The following CCDC149 variants were observed in gnomAD, a reference collection of about 807,000 sequenced individuals.
CCDC149 encodes coiled-coil domain containing 149.
In CCDC149, 45 loss-of-function variants were observed where a neutral mutation model predicts 59.9. The ratio of observed to expected loss-of-function variants is 0.75; its 90% CI spans 0.59 to 0.96. The LOEUF (loss-of-function observed/expected upper bound fraction) is 0.96, where lower values mean the gene tolerates loss of function less well. Among genes scored for constraint, CCDC149 ranks in the 40% least tolerant of loss-of-function variants. The pLI is 0.00. For missense variants in CCDC149, 584 were observed against 664.7 expected, an observed-to-expected ratio of 0.88 and a Z score of 1.33; for synonymous variants, 245 against 260.6, an observed-to-expected ratio of 0.94 and a Z score of 0.58.
At chr4:24,895,172 A>C in intron 1 of CCDC149, 1 of 721,982 alleles carries the variant, frequency 1.4e-6, no homozygotes, top group Non-Finnish European at 2.4e-6. Context: ...AGTCAGAATA[A>C]TGGTTACCTC....
chr4:24,847,534 T>C (rs1399857173), intron 4 of CCDC149, among the ~76,000 whole-genome samples: 2 of 152,206 alleles, frequency 1.3e-5, no homozygotes, highest in African/African-American at 2.4e-5. Flanking sequence ...CTCAGCTGCT[T>C]TGATGTGTCC....
upstream of CCDC149, among the ~76,000 whole-genome samples, chr4:24,916,331 A>G (rs566980933): frequency 5.9e-5 from 9 of 152,328 alleles, no homozygotes; most frequent in African/African-American, 1.7e-4. Flanking sequence ...AGACATGGAA[A>G]CTCCAAAATA....
At chr4:24,939,652 A>C (rs1221554413) in intron 1 of CCDC149, among the ~76,000 whole-genome samples, 5 of 152,192 alleles carry the variant, frequency 3.3e-5, no homozygotes, top group Non-Finnish European at 5.9e-5. Flanking sequence ...GTTGAAAAAA[A>C]AATAGACGAA....
chr4:24,909,479 G>C (rs1051533846), intron 1 of CCDC149, among the ~76,000 whole-genome samples: 2 of 152,166 alleles, frequency 1.3e-5, no homozygotes, highest in African/African-American at 2.4e-5. Flanking sequence ...CTGGGCAGGG[G>C]AATTACCTGG....
rs77169561 is a variant in CCDC149, at chr4:24,854,387, T to C, written c.265-1208A>G. Among the ~76,000 whole-genome samples, 621 of 152,258 alleles carry C rather than the reference T, an allele frequency of 4.1e-3. 8 individuals are homozygous for C. The highest frequency in any genetic ancestry group is 0.014 in the African/African-American group (575 of 41,554). ...TGCGTTGTTCCAGACAGTGCTCAGG[T>C]ACCGACAAGTGTTTTAAAAGCTCAT... On this transcript the variant is annotated intron_variant, in intron 3 of 12. Coordinates refer to ENST00000635206, the MANE Select transcript of CCDC149 (RefSeq NM_001330643.2).
At chr4:24,894,876 G>C in intron 1 of CCDC149, 1 of 1,357,888 alleles carries the variant, frequency 7.4e-7, no homozygotes, top group Non-Finnish European at 1.0e-6. Flanking sequence ...GCCTGTGCTA[G>C]AACCAAACAG....
chr4:24,902,282 G>C (rs1721213131), intron 1 of CCDC149, among the ~76,000 whole-genome samples: 1 of 152,164 alleles, frequency 6.6e-6, no homozygotes, highest in Non-Finnish European at 1.5e-5. Flanking sequence ...GTACCTTGCA[G>C]ACAATACAGA....
At chr4:24,828,188 C>T (rs964755097) in intron 9 of CCDC149, 1 of 150,468 alleles carries the variant, frequency 6.6e-6, no homozygotes, top group Non-Finnish European at 1.5e-5. Flanking sequence ...AAGCAATCTC[C>T]AAGATCCATT....
At chr4:24,907,314 G>A (rs1446360438) in intron 1 of CCDC149, among the ~76,000 whole-genome samples, 3 of 152,142 alleles carry the variant, frequency 2.0e-5, no homozygotes, top group Non-Finnish European at 4.4e-5. Context: ...GTTACATGGT[G>A]CAGTCATTCC....
chr4:24,827,489 C>T (rs1288041927), intron 9 of CCDC149: 2 of 152,240 alleles, frequency 1.3e-5, no homozygotes, highest in African/African-American at 4.8e-5. Flanking sequence ...CCACCACCTC[C>T]CCGCCATGGT....
chr4:24,873,739 G>C lies in CCDC149; in HGVS notation c.226-20C>G, dbSNP rs1477143557. The C allele has an allele frequency of 3.1e-6, 5 of 1,594,472 alleles. No individual in the cohort carries two copies. Among genetic ancestry groups the C allele is most frequent in the Non-Finnish European group, 4.3e-6 (5 of 1,163,468 alleles). On this transcript the variant is annotated intron_variant, in intron 2 of 12. Transcript: ENST00000635206. ...TCCATCCTACAAAGAAACAAATGCT[G>C]CATTTTACTCTTTTAGAAAAATAGA...
At chr4:24,871,181 A>T (rs2109232778) in intron 3 of CCDC149, among the ~76,000 whole-genome samples, 1 of 150,030 alleles carries the variant, frequency 6.7e-6, no homozygotes, top group African/African-American at 2.4e-5. Flanking sequence ...GCGTATAAGT[A>T]AGCGTGCTGA....
At chr4:24,833,120 A>G (rs971217585) in intron 8 of CCDC149, among the ~76,000 whole-genome samples, 1 of 152,200 alleles carries the variant, frequency 6.6e-6, no homozygotes, top group Non-Finnish European at 1.5e-5. Flanking sequence ...CTTCAAAGGA[A>G]GATAAACTAA....
chr4:24,931,027 G>A (rs1172216594), intron 1 of CCDC149, among the ~76,000 whole-genome samples: 7 of 151,798 alleles, frequency 4.6e-5, no homozygotes, highest in African/African-American at 7.3e-5. Flanking sequence ...CTCTTGCCTC[G>A]TGGAATAAAG....
At chr4:24,881,866 G>A (rs950299359) in intron 1 of CCDC149, among the ~76,000 whole-genome samples, 1 of 152,190 alleles carries the variant, frequency 6.6e-6, no homozygotes, top group African/African-American at 2.4e-5. Flanking sequence ...ATGAGGAAGT[G>A]AGGCTTAAAT....
intron 10 of CCDC149, among the ~76,000 whole-genome samples, chr4:24,821,783 G>A (rs1412755847): frequency 6.6e-6 from 1 of 152,192 alleles, no homozygotes; most frequent in Non-Finnish European, 1.5e-5. Context: ...GGGAATGGCT[G>A]GCTGGGGTAT....
At chr4:24,843,086 C>T (rs1414399753) in intron 4 of CCDC149, among the ~76,000 whole-genome samples, 1 of 152,154 alleles carries the variant, frequency 6.6e-6, no homozygotes, top group East Asian at 1.9e-4. Flanking sequence ...GTGCACTGCA[C>T]AATTCCATCT....
At chr4:24,872,451 G>A (rs751430248) in intron 3 of CCDC149, among the ~76,000 whole-genome samples, 7 of 151,832 alleles carry the variant, frequency 4.6e-5, no homozygotes, top group Admixed American at 2.0e-4. Flanking sequence ...GCATTTACCC[G>A]CCAAATGGTA....
chr4:24,878,240 A>G (rs979055529), intron 1 of CCDC149, among the ~76,000 whole-genome samples: 9 of 140,406 alleles, frequency 6.4e-5, no homozygotes, highest in African/African-American at 2.3e-4. Context: ...AAAAAAAAAG[A>G]AAGTAATTGC....
Sources: allele counts gnomAD v4.1 joint callset (sites outside exome capture counted in the v4.1 genomes callset), GRCh38; gene constraint gnomAD v4.1.1; transcripts MANE v1.5; gene names NCBI Gene and HGNC (gene_info 2026-07-23, HGNC 2026-07-21).